TENM2: variants seen among roughly 807,000 people sequenced by gnomAD.
TENM2 encodes the protein teneurin transmembrane protein 2.
A neutral mutation model predicts 245.2 loss-of-function variants in TENM2; 52 were observed. That is an observed-to-expected ratio of 0.21 (90% CI 0.17 to 0.27). TENM2 has a LOEUF of 0.27. Among genes scored for constraint, TENM2 ranks in the 10% least tolerant of loss-of-function variants. The probability of loss-of-function intolerance (pLI) is 1.00; values close to 1 mark genes in which losing one functional copy is unlikely to be tolerated. For synonymous variants in TENM2, 1,363 were observed against 1,438.9 expected, an observed-to-expected ratio of 0.95 and a Z score of 1.19; for missense variants, 3,046 against 3,666.8, an observed-to-expected ratio of 0.83 and a Z score of 4.37.
At chr5:167,741,841 T>G (rs1582887199) in intron 2 of TENM2, among the ~76,000 whole-genome samples, 1 of 152,128 alleles carries the variant, frequency 6.6e-6, no homozygotes, top group East Asian at 1.9e-4. Flanking sequence ...AAATCAACCC[T>G]CATGCATTCG....
intron 3 of TENM2, chr5:167,938,664 G>C (rs1184129193): frequency 6.6e-6 from 1 of 152,318 alleles, no homozygotes; most frequent in East Asian, 1.9e-4. Flanking sequence ...AAATGAAGAC[G>C]TGAATAAAGG....
chr5:167,661,853 G>A (rs1214319572), intron 2 of TENM2, among the ~76,000 whole-genome samples: 2 of 152,208 alleles, frequency 1.3e-5, no homozygotes. Context: ...CTGGTTCCCA[G>A]AAGCTGCAGG....
chr5:167,170,508 T>C, the TENM2 span, among the ~76,000 whole-genome samples: 1 of 152,186 alleles, frequency 6.6e-6, no homozygotes, highest in Non-Finnish European at 1.5e-5. Flanking sequence ...TAAAAACTTA[T>C]TTGCCAAATT....
chr5:167,663,695 T>C (rs1198622908), intron 2 of TENM2, among the ~76,000 whole-genome samples: 1 of 152,172 alleles, frequency 6.6e-6, no homozygotes, highest in Non-Finnish European at 1.5e-5. Context: ...TTCCATTTTG[T>C]CTCTTATTCT....
At chr5:167,370,327 G>T in intron 1 of TENM2, among the ~76,000 whole-genome samples, 1 of 122,248 alleles carries the variant, frequency 8.2e-6, no homozygotes, top group Non-Finnish European at 1.6e-5. Context: ...GGGCGACAGA[G>T]TGAGACTCCG....
chr5:167,807,624 TAA>T (rs11287928), intron 2 of TENM2, among the ~76,000 whole-genome samples: 2,077 of 149,712 alleles, frequency 0.014, 17 homozygotes, highest in African/African-American at 0.025. Context: ...GCATTTTTTT[TAA>T]AAAAAAAAAA....
chr5:167,368,810 A>C (rs1054571905), intron 1 of TENM2, among the ~76,000 whole-genome samples: 17 of 151,910 alleles, frequency 1.1e-4, no homozygotes, highest in Non-Finnish European at 2.4e-4. Context: ...CCCCCACCCC[A>C]GGCCTCTGCT....
At chr5:167,963,907 T>TA (rs1186799343) in intron 4 of TENM2, among the ~76,000 whole-genome samples, 4 of 152,170 alleles carry the variant, frequency 2.6e-5, no homozygotes, top group African/African-American at 9.7e-5. Context: ...TGCATCAATG[T>TA]AAAATAAAAG....
chr5:167,900,133 AG>A (rs70976451), intron 3 of TENM2, among the ~76,000 whole-genome samples: 1,363 of 100,378 alleles, frequency 0.014, 64 homozygotes, highest in Middle Eastern at 0.028. Flanking sequence ...AAAAAAAAAA[AG>A]GGGGGGGGGG....
intron 3 of TENM2, among the ~76,000 whole-genome samples, chr5:167,877,442 T>C (rs1773520929): frequency 6.6e-6 from 1 of 152,218 alleles, no homozygotes; most frequent in South Asian, 2.1e-4. Flanking sequence ...GAGCAATCCA[T>C]TGTTGATATT....
At chr5:167,646,200 C>CATATATATATATATATATATAT (rs61476810) in intron 2 of TENM2, among the ~76,000 whole-genome samples, 5 of 63,438 alleles carry the variant, frequency 7.9e-5, no homozygotes, top group Non-Finnish European at 1.3e-4. Context: ...ATGTTGTTTT[C>CATATATATATATATATATATAT]ATATATATAT....
chr5:167,814,558 C>A (rs1171290627), intron 2 of TENM2, among the ~76,000 whole-genome samples: 1 of 150,686 alleles, frequency 6.6e-6, no homozygotes. Flanking sequence ...TATATGGGTG[C>A]CATGTACCAA....
At chr5:167,328,290 T>C (rs1323727937) in intron 1 of TENM2, among the ~76,000 whole-genome samples, 1 of 142,816 alleles carries the variant, frequency 7.0e-6, no homozygotes, top group East Asian at 2.3e-4. Context: ...CACTGCAACC[T>C]CTGTCTCCTG....
At chr5:167,332,717 C>T (rs138587216) in intron 1 of TENM2, among the ~76,000 whole-genome samples, 2 of 152,202 alleles carry the variant, frequency 1.3e-5, no homozygotes, top group East Asian at 1.9e-4. Context: ...CACAAAAAAA[C>T]CTAATTAGCG....
the TENM2 span, among the ~76,000 whole-genome samples, chr5:167,095,935 T>A: frequency 6.6e-6 from 1 of 152,034 alleles, no homozygotes; most frequent in Non-Finnish European, 1.5e-5. Context: ...CACACCTGGT[T>A]AATTTTTGTA....
At chr5:168,080,397 AT>A (rs1188961956) in intron 7 of TENM2, among the ~76,000 whole-genome samples, 1 of 152,038 alleles carries the variant, frequency 6.6e-6, no homozygotes, top group Admixed American at 6.5e-5. Flanking sequence ...GGATTCACTG[AT>A]TTTTTGAAGG....
intron 2 of TENM2, among the ~76,000 whole-genome samples, chr5:167,563,661 A>G (rs1773730013): frequency 6.6e-6 from 1 of 152,208 alleles, no homozygotes; most frequent in African/African-American, 2.4e-5. Flanking sequence ...CAGACCTCAT[A>G]TACAACAGTG....
At chr5:167,098,255 A>G in the TENM2 span, among the ~76,000 whole-genome samples, 1 of 152,264 alleles carries the variant, frequency 6.6e-6, no homozygotes, top group Non-Finnish European at 1.5e-5. Flanking sequence ...TTAAGTGTAC[A>G]TCACATGAAT....
At chr5:167,883,874 G>A (rs1435705366) in intron 3 of TENM2, among the ~76,000 whole-genome samples, 1 of 152,178 alleles carries the variant, frequency 6.6e-6, no homozygotes, top group Non-Finnish European at 1.5e-5. Flanking sequence ...TTCTTGGGTT[G>A]AATCAAAGGA....
Sources: gnomAD v4.1 joint callset for allele counts (sites outside exome capture counted in the v4.1 genomes callset) on GRCh38, gnomAD v4.1.1 for gene constraint, MANE v1.5 for transcripts, NCBI Gene and HGNC (gene_info 2026-07-23, HGNC 2026-07-21) for gene names.